NUP98: variants seen among roughly 807,000 people sequenced by gnomAD.
NUP98 encodes the protein nuclear pore complex protein Nup98-Nup96.
A neutral mutation model predicts 191.9 loss-of-function variants in NUP98; 26 were observed. That is an observed-to-expected ratio of 0.14 (90% confidence interval 0.10 to 0.19). The LOEUF (loss-of-function observed/expected upper bound fraction) is 0.19. Among genes scored for constraint, NUP98 ranks in the 10% least tolerant of loss-of-function variants. NUP98 has a pLI of 1.00. For missense variants in NUP98, 1,941 were observed against 2,178.8 expected, an observed-to-expected ratio of 0.89 and a Z score of 2.17; for synonymous variants, 808 against 778.4, an observed-to-expected ratio of 1.04 and a Z score of -0.63.
Position 3,791,840 on chromosome 11 carries a change from TA to T in NUP98, c.-29+5559del, listed in dbSNP as rs148173966. On this transcript the variant is annotated intron_variant, in intron 1 of 32. Coordinates refer to ENST00000324932, the MANE Select transcript of NUP98 (RefSeq NM_016320.5). ...CTAGGCGACAGAGTGAGACTACATC[TA>T]AAAAAAAAAAAAAAAAAATTTTGAT... Among the ~76,000 whole-genome samples, 745 of 112,868 alleles carry T rather than the reference TA, an allele frequency of 6.6e-3. 1 individual carries two copies. The highest frequency in any genetic ancestry group is 0.02 in the South Asian group (71 of 3,608). 74.0% of individuals were successfully genotyped at this position (112,868 alleles called of 152,430 possible).
At position 3,683,436 on chromosome 11, in the gene NUP98, C is replaced by T. The variant is rs2078035732; in HGVS notation, c.4682G>A (p.Arg1561His). Residue 1561 changes from arginine (R) to histidine (H), a missense_variant, in exon 30 of 33, where the codon CGT becomes CAT. Physicochemically the swap from Arg to His is conservative, Grantham distance 29. Transcript: ENST00000324932. Reference sequence around the variant, plus strand: ...AAGCAGCTCTCGAACAGCCTTCTCACGTATGCTACAGGGAGAGATAAGCTA... The same window carrying T: ...AAGCAGCTCTCGAACAGCCTTCTCATGTATGCTACAGGGAGAGATAAGCTA... ...VLLHIDNSGI[R>H]EKAVRELLTR... is the part of the protein sequence containing the mutation. The T allele has an allele frequency of 3.1e-6, 5 of 1,614,080 alleles. No homozygotes were observed. The highest frequency in any genetic ancestry group is 4.2e-6 in the Non-Finnish European group (5 of 1,180,012).
chr11:3,706,754 G>T, intron 20 of NUP98, 127 bp from the exon 21 acceptor site: 1 of 870,592 alleles, frequency 1.1e-6, no homozygotes, highest in Non-Finnish European at 1.8e-6. Context: ...TCTATGGTGA[G>T]GTAAGGTAGC....
chr11:3,748,456 G>C (rs2080593282), intron 11 of NUP98, among the ~76,000 whole-genome samples: 1 of 151,302 alleles, frequency 6.6e-6, no homozygotes, highest in South Asian at 2.1e-4. Context: ...GGGAGGCAGA[G>C]GTTGCAGTGA....
At chr11:3,758,153 T>C (rs2081042376) in intron 10 of NUP98, among the ~76,000 whole-genome samples, 1 of 151,424 alleles carries the variant, frequency 6.6e-6, no homozygotes, top group African/African-American at 2.4e-5. Context: ...CCGTCTCTAC[T>C]AAAAATACAA....
At chr11:3,781,209 A>AT (rs397825345) in intron 2 of NUP98, among the ~76,000 whole-genome samples, 5 of 149,430 alleles carry the variant, frequency 3.3e-5, no homozygotes, top group East Asian at 2.0e-4. Flanking sequence ...AAAAAAAAAA[A>AT]TTTTCATCAA....
At chr11:3,743,451 C>T (rs1247977724) in intron 12 of NUP98, among the ~76,000 whole-genome samples, 3 of 146,606 alleles carry the variant, frequency 2.0e-5, no homozygotes, top group Non-Finnish European at 4.5e-5. Flanking sequence ...TCGAGACCAT[C>T]CTGGCTAACA....
Position 3,773,619 on chromosome 11 carries a change from GT to G in NUP98, c.603+12del, listed in dbSNP as rs1564912690. On this transcript the variant is annotated intron_variant, in intron 6 of 32. Coordinates refer to ENST00000324932, the MANE Select transcript of NUP98 (RefSeq NM_016320.5). The stretch of plus-strand genomic sequence containing the variant: ...AAAGGTTAGACTGACATTCTGTATT[GT>G]ATTTTACTGACCTCTAGTGACTTGC... 6.9e-7 allele frequency: 1 copy of G among 1,459,532 alleles called. No individual in the cohort carries two copies. Among genetic ancestry groups the G allele is most frequent in the African/African-American group, 1.4e-5 (1 of 71,442 alleles). 90.4% of individuals were successfully genotyped at this position (1,459,532 alleles called of 1,614,324 possible). A position where few individuals can be genotyped will look rare whatever the true frequency, so the allele number is the denominator to read the frequency against.
intron 13 of NUP98, among the ~76,000 whole-genome samples, chr11:3,732,956 T>C (rs1371916496): frequency 2.0e-5 from 3 of 152,234 alleles, no homozygotes; most frequent in Non-Finnish European, 4.4e-5. Context: ...ACAAAAAAGT[T>C]AAATGTTCCT....
intron 1 of NUP98, among the ~76,000 whole-genome samples, chr11:3,789,755 C>G (rs1032339108): frequency 2.0e-5 from 3 of 151,610 alleles, no homozygotes; most frequent in Admixed American, 1.3e-4. Context: ...ATAGGTGAGC[C>G]CCTGTGCCAG....
At chr11:3,748,913 A>T (rs1368489636) in intron 11 of NUP98, among the ~76,000 whole-genome samples, 3 of 151,928 alleles carry the variant, frequency 2.0e-5, no homozygotes, top group Non-Finnish European at 4.4e-5. Context: ...AGCTCAAATG[A>T]AATGCTTTCT....
chr11:3,703,621 G>C (rs1321593120), intron 22 of NUP98, among the ~76,000 whole-genome samples: 1 of 152,088 alleles, frequency 6.6e-6, no homozygotes, highest in East Asian at 1.9e-4. Flanking sequence ...ACAGGACCAG[G>C]AGACAAGCCA....
chr11:3,760,209 G>T, intron 10 of NUP98: 1 of 298,376 alleles, frequency 3.4e-6, no homozygotes, highest in Non-Finnish European at 6.2e-6. Context: ...CCACAGGTTT[G>T]AAACCTGGCC....
chr11:3,766,851 G>C lies in NUP98; in HGVS notation c.948+1730C>G, dbSNP rs536179670. ...TCTGTATTTACAAAGGTGATCATGT[G>C]GTTTTCTGTTGTTTAAATTATATTA... On this transcript the variant is annotated intron_variant, in intron 8 of 32. Coordinates refer to ENST00000324932, the MANE Select transcript of NUP98 (RefSeq NM_016320.5). Among the ~76,000 whole-genome samples the C allele has an allele frequency of 6.6e-5, 10 of 152,212 alleles. No homozygotes were observed. The South Asian group carries it at 2.1e-3, about 32-fold the overall frequency.
At position 3,778,979 on chromosome 11, in the gene NUP98, C is replaced by T. The variant is rs754530058; in HGVS notation, c.249G>A (p.Thr83=). 2.1e-5 allele frequency: 34 copies of T among 1,614,034 alleles called. No homozygotes were observed. Among genetic ancestry groups the T allele is most frequent in the Non-Finnish European group, 2.5e-5 (30 of 1,180,036 alleles). ...ACAAGGTATTTGCTGTTCCTGTTGA[C>T]GTACCAAACCCAAAGCCAGTGCTTG... is the stretch of plus-strand genomic sequence containing the variant. The part of the protein sequence containing the change: ...TSTSTGFGFG[T]STGTANTLFG... The change falls in exon 4 of 33, where the codon ACG becomes ACA. Residue 83 remains threonine (T), a synonymous_variant. Coordinates refer to ENST00000324932, the MANE Select transcript of NUP98 (RefSeq NM_016320.5).
At chr11:3,795,959 A>C (rs1002358877) in intron 1 of NUP98, among the ~76,000 whole-genome samples, 1 of 152,232 alleles carries the variant, frequency 6.6e-6, no homozygotes, top group African/African-American at 2.4e-5. Context: ...ATTCAATTTC[A>C]TCAAATCTGA....
At chr11:3,735,748 A>AGTGTGTGTGTGTGTGT (rs71041385) in intron 12 of NUP98, among the ~76,000 whole-genome samples, 5 of 140,872 alleles carry the variant, frequency 3.5e-5, no homozygotes, top group African/African-American at 1.1e-4. Context: ...CAGGGCAAGT[A>AGTGTGTGTGTGTGTGT]GTGTGTGTGT....
intron 12 of NUP98, among the ~76,000 whole-genome samples, chr11:3,742,522 A>G (rs2080320109): frequency 6.6e-6 from 1 of 151,916 alleles, no homozygotes; most frequent in Non-Finnish European, 1.5e-5. Flanking sequence ...CCAACATGGT[A>G]AAACCCCATC....
chr11:3,679,422 C>A (rs2077920059), intron 31 of NUP98, 132 bp downstream of exon 31: 1 of 1,069,392 alleles, frequency 9.4e-7, no homozygotes. Flanking sequence ...TGAGCCTCAG[C>A]AAGATGCCTG....
chr11:3,777,127 T>C (rs1420513863), intron 4 of NUP98, among the ~76,000 whole-genome samples: 2 of 152,074 alleles, frequency 1.3e-5, no homozygotes, highest in South Asian at 2.1e-4. Flanking sequence ...AAATCAAATA[T>C]AGGTTAATGT....
Sources: allele counts gnomAD v4.1 joint callset (sites outside exome capture counted in the v4.1 genomes callset), GRCh38; gene constraint gnomAD v4.1.1; transcripts MANE v1.5; gene names NCBI Gene and HGNC (gene_info 2026-07-23, HGNC 2026-07-21).